Variants in TRIO observed in about 807,000 individuals in gnomAD.
The protein encoded by TRIO is triple functional domain protein.
TRIO carries 58 observed loss-of-function variants against 351.9 expected under a neutral mutation model. The observed-to-expected ratio is 0.16, with a 90% CI of 0.13 to 0.21. The LOEUF (loss-of-function observed/expected upper bound fraction) is 0.21, where lower values mean the gene tolerates loss of function less well. Ranked by LOEUF, TRIO falls within the 10% of genes least tolerant of loss-of-function variation. The probability of loss-of-function intolerance (pLI) is 1.00; values close to 1 mark genes in which losing one functional copy is unlikely to be tolerated. For missense variants in TRIO, 3,201 were observed against 4,027.8 expected (o/e 0.79, Z 5.56); for synonymous variants, 1,758 against 1,595.7 (o/e 1.10, Z -2.42).
chr5:14,219,204 A>G (rs1307557607), intron 1 of TRIO, among the ~76,000 whole-genome samples: 1 of 150,196 alleles, frequency 6.7e-6, no homozygotes, highest in African/African-American at 2.5e-5. Context: ...TGAAGTGGAG[A>G]GGGAGGAGGA....
At chr5:14,480,403 T>C (rs888144416) in intron 43 of TRIO, among the ~76,000 whole-genome samples, 15 of 152,238 alleles carry the variant, frequency 9.9e-5, no homozygotes, top group African/African-American at 2.4e-4. Context: ...GAATTTTTTT[T>C]CCCCCACCAC....
chr5:14,427,727 G>A (rs1315522617), intron 34 of TRIO, among the ~76,000 whole-genome samples: 3 of 152,142 alleles, frequency 2.0e-5, no homozygotes, highest in South Asian at 2.1e-4. Context: ...TTTGGTGGGG[G>A]TCATGTAGTC....
chr5:14,402,325 T>C (rs563606266), intron 31 of TRIO, among the ~76,000 whole-genome samples: 98 of 152,328 alleles, frequency 6.4e-4, no homozygotes, highest in African/African-American at 2.3e-3. Flanking sequence ...TCGTAAATGC[T>C]CATGGTACAG....
intron 8 of TRIO, among the ~76,000 whole-genome samples, chr5:14,305,305 A>C (rs1014155423): frequency 6.6e-6 from 1 of 152,202 alleles, no homozygotes; most frequent in African/African-American, 2.4e-5. Flanking sequence ...TTGATGATGC[A>C]ACTTTAGATG....
In TRIO at chr5:14,410,495, G is replaced by C. The variant is rs563915277; in HGVS notation, c.4959+3823G>C. On this transcript the variant is annotated intron_variant, in intron 33 of 56. Coordinates refer to ENST00000344204, the MANE Select transcript of TRIO (RefSeq NM_007118.4). ...GGTGACGGTAATTTTCCTGAGTCTCGAAGTTCTTTCTGCCCTACGTAGTTT... is the reference window on the plus strand; with the variant it reads ...GGTGACGGTAATTTTCCTGAGTCTCCAAGTTCTTTCTGCCCTACGTAGTTT... Among the ~76,000 whole-genome samples the C allele has an allele frequency of 5.6e-3, 850 of 152,298 alleles. 5 individuals carry two copies. The highest frequency in any genetic ancestry group is 0.019 in the African/African-American group (796 of 41,558).
Position 14,297,125 on chromosome 5 carries a change from G to A in TRIO, c.1230G>A (p.Glu410=). Residue 410 remains glutamate (E), a synonymous_variant, in exon 7 of 57, where the codon GAG becomes GAA. Coordinates refer to ENST00000344204, the MANE Select transcript of TRIO (RefSeq NM_007118.4). ...RIMSVANRLV[E]SGHYASQQIR... ...TGTCGGTGGCCAATCGTCTGGTGGA[G>A]TCTGGCCACTATGCCTCGCAGCAGA... is the stretch of plus-strand genomic sequence containing the variant. The A allele has an allele frequency of 6.2e-7, 1 of 1,614,164 alleles. No homozygotes were observed. Among genetic ancestry groups the A allele is most frequent in the African/African-American group, 1.3e-5 (1 of 75,036 alleles).
chr5:14,477,043 C>CA, intron 41 of TRIO, 80 bp downstream of exon 41: 22 of 1,260,034 alleles, frequency 1.7e-5, no homozygotes, highest in Non-Finnish European at 2.4e-5. Flanking sequence ...AAGGAGAACT[C>CA]ACTTATACTT....
intron 6 of TRIO, 84 bp from the exon 7 acceptor site, chr5:14,296,988 C>G (rs913677325): frequency 5.3e-5 from 64 of 1,208,156 alleles, no homozygotes; most frequent in Non-Finnish European, 7.4e-5. Flanking sequence ...GCCTGTGTTT[C>G]AGCAGGTGGC....
At chr5:14,154,940 C>G (rs1788023565) in intron 1 of TRIO, among the ~76,000 whole-genome samples, 1 of 152,114 alleles carries the variant, frequency 6.6e-6, no homozygotes, top group African/African-American at 2.4e-5. Context: ...AAAGGATTGG[C>G]CTTTAAGACC....
chr5:14,391,055 T>C, intron 27 of TRIO, 65 bp downstream of exon 27: 1 of 1,264,828 alleles, frequency 7.9e-7, no homozygotes, highest in South Asian at 1.4e-5. Context: ...GCGGCATTAC[T>C]CATAACTTTC....
At chr5:14,275,663 C>T (rs1352614468) in intron 2 of TRIO, among the ~76,000 whole-genome samples, 2 of 151,142 alleles carry the variant, frequency 1.3e-5, no homozygotes, top group Admixed American at 1.3e-4. Context: ...ATCTTCTTCT[C>T]CCCGAGATAA....
At chr5:14,291,788 T>TGAAAAAA (rs1736930614) in intron 5 of TRIO, among the ~76,000 whole-genome samples, 1 of 101,018 alleles carries the variant, frequency 9.9e-6, no homozygotes, top group Non-Finnish European at 1.9e-5. Flanking sequence ...GACTCCGTCT[T>TGAAAAAA]AAAAAAAAAA....
chr5:14,406,565 A>G lies in TRIO; in HGVS notation c.4860-8A>G. 1.2e-6 allele frequency: 2 copies of G among 1,613,860 alleles called. No homozygotes were observed. The highest frequency in any genetic ancestry group is 1.1e-5 in the South Asian group (1 of 91,072). Reference sequence around the variant, plus strand: ...CATCAGGAACTAAAAGTTTCTTTGCACCGCCAGGGATGGAGAGGATCTGGA... The same window carrying G: ...CATCAGGAACTAAAAGTTTCTTTGCGCCGCCAGGGATGGAGAGGATCTGGA... On this transcript the variant is annotated splice_polypyrimidine_tract_variant and splice_region_variant and intron_variant, in intron 32 of 56. Coordinates refer to ENST00000344204, the MANE Select transcript of TRIO (RefSeq NM_007118.4).
At chr5:14,449,147 T>C (rs981649362) in intron 34 of TRIO, among the ~76,000 whole-genome samples, 1 of 152,150 alleles carries the variant, frequency 6.6e-6, no homozygotes, top group Non-Finnish European at 1.5e-5. Flanking sequence ...ACATCGTGGT[T>C]TTTAACAATG....
intron 2 of TRIO, among the ~76,000 whole-genome samples, chr5:14,278,735 A>G (rs559004741): frequency 6.6e-6 from 1 of 152,364 alleles, no homozygotes; most frequent in East Asian, 1.9e-4. Context: ...CCTAAAAATC[A>G]TATCAGATGT....
chr5:14,463,034 G>C, intron 36 of TRIO, 109 bp downstream of exon 36: 1 of 1,353,872 alleles, frequency 7.4e-7, no homozygotes, highest in Non-Finnish European at 9.7e-7. Flanking sequence ...GCCCCAAGAT[G>C]TGGAAAAGGG....
chr5:14,424,050 T>A (rs1161860213), intron 34 of TRIO, among the ~76,000 whole-genome samples: 3 of 142,670 alleles, frequency 2.1e-5, no homozygotes, highest in Admixed American at 7.3e-5. Context: ...CTCTAAAAAA[T>A]AAATAAATAA....
In TRIO at chr5:14,363,746, C is replaced by G; in HGVS notation, c.2406C>G (p.Leu802=). The G allele has an allele frequency of 6.2e-7, 1 of 1,613,594 alleles. No homozygotes were observed. Among genetic ancestry groups the G allele is most frequent in the Non-Finnish European group, 8.5e-7 (1 of 1,179,734 alleles). Residue 802 remains leucine, a synonymous_variant, in exon 14 of 57, where the codon CTC becomes CTG. Transcript: ENST00000344204. The part of the protein sequence containing the change: ...ERDAIDIISD[L]ESWNDELSQQ... ...CCTTCTTTCAGATTATCTCAGACCTCGAGTCTTGGAATGATGAGCTTTCTC... is the reference window on the plus strand; with the variant it reads ...CCTTCTTTCAGATTATCTCAGACCTGGAGTCTTGGAATGATGAGCTTTCTC...
chr5:14,389,210 G>A (rs977389958), intron 24 of TRIO, 79 bp from the exon 25 acceptor site: 1 of 1,053,678 alleles, frequency 9.5e-7, no homozygotes, highest in African/African-American at 1.6e-5. Context: ...AACTCTGTGT[G>A]TTTACAGATG....
Sources: allele counts gnomAD v4.1 joint callset (sites outside exome capture counted in the v4.1 genomes callset), GRCh38; gene constraint gnomAD v4.1.1; transcripts MANE v1.5; gene names NCBI Gene and HGNC (gene_info 2026-07-23, HGNC 2026-07-21).